PTPRD: variants seen among roughly 807,000 people sequenced by gnomAD.
PTPRD encodes protein tyrosine phosphatase receptor type D.
A neutral mutation model predicts 214.5 loss-of-function variants in PTPRD; 34 were observed. That is an observed-to-expected ratio of 0.16 (90% CI 0.12 to 0.21). The LOEUF (loss-of-function observed/expected upper bound fraction) is 0.21, where lower values mean the gene tolerates loss of function less well. PTPRD is among the 10% of genes least tolerant of loss of function. PTPRD has a pLI of 1.00. For missense variants in PTPRD, 2,545 were observed against 2,398.7 expected (o/e 1.06, Z -1.27); for synonymous variants, 1,128 against 845.7 (o/e 1.33, Z -5.79).
intron 5 of PTPRD, among the ~76,000 whole-genome samples, chr9:9,777,958 G>A (rs1024679965): frequency 1.3e-5 from 2 of 152,124 alleles, no homozygotes; most frequent in African/African-American, 4.8e-5. Context: ...TGCTAGAAAA[G>A]CATGGACAAA....
intron 8 of PTPRD, among the ~76,000 whole-genome samples, chr9:9,533,397 A>G (rs2075894044): frequency 6.6e-6 from 1 of 152,124 alleles, no homozygotes; most frequent in South Asian, 2.1e-4. Context: ...GCTTTTGCTC[A>G]GAAAGATCAA....
intron 11 of PTPRD, among the ~76,000 whole-genome samples, chr9:8,999,433 T>C (rs1048137282): frequency 6.6e-6 from 1 of 152,056 alleles, no homozygotes; most frequent in Non-Finnish European, 1.5e-5. Flanking sequence ...TGTTAGCATA[T>C]TTTAGCAATA....
At chr9:10,273,532 C>T (rs977349026) in intron 3 of PTPRD, among the ~76,000 whole-genome samples, 3 of 152,048 alleles carry the variant, frequency 2.0e-5, no homozygotes, top group African/African-American at 7.2e-5. Context: ...GCCAAAAATT[C>T]TGAGGCAGTA....
intron 7 of PTPRD, among the ~76,000 whole-genome samples, chr9:9,697,576 G>A (rs1015902095): frequency 6.7e-6 from 1 of 149,486 alleles, no homozygotes; most frequent in African/African-American, 2.4e-5. Flanking sequence ...TCTCTCATAT[G>A]TTTTTTGCTT....
chr9:8,485,201 T>G (rs13286908), intron 29 of PTPRD, 26 bp downstream of exon 29: 1 of 1,592,054 alleles, frequency 6.3e-7, no homozygotes, highest in East Asian at 2.2e-5. Flanking sequence ...TATCTGTGAT[T>G]TCTTACAAAT....
chr9:9,262,052 T>C (rs1006629609), intron 9 of PTPRD, among the ~76,000 whole-genome samples: 3 of 151,676 alleles, frequency 2.0e-5, no homozygotes, highest in African/African-American at 4.8e-5. Flanking sequence ...AATTCCTTTA[T>C]ATGAGGAAAA....
At chr9:9,841,430 A>T (rs900932726) in intron 5 of PTPRD, among the ~76,000 whole-genome samples, 4 of 151,982 alleles carry the variant, frequency 2.6e-5, no homozygotes, top group African/African-American at 9.7e-5. Flanking sequence ...TTACTCTTTG[A>T]TTTGGGATAA....
intron 12 of PTPRD, among the ~76,000 whole-genome samples, chr9:8,692,884 C>A (rs2097838890): frequency 6.6e-6 from 1 of 152,192 alleles, no homozygotes; most frequent in African/African-American, 2.4e-5. Flanking sequence ...AAACCTAAAT[C>A]AAAACATCAA....
chr9:9,078,978 C>A (rs1320516705), intron 10 of PTPRD, among the ~76,000 whole-genome samples: 1 of 151,956 alleles, frequency 6.6e-6, no homozygotes, highest in African/African-American at 2.4e-5. Context: ...AGCCATGTTT[C>A]AATACTCATG....
At chr9:9,936,239 A>C (rs964560887) in intron 5 of PTPRD, among the ~76,000 whole-genome samples, 16 of 148,778 alleles carry the variant, frequency 1.1e-4, no homozygotes, top group Admixed American at 2.0e-4. Flanking sequence ...GGATCTAATT[A>C]AACTAAAGAG....
intron 37 of PTPRD, among the ~76,000 whole-genome samples, chr9:8,377,729 A>T (rs1263416121): frequency 1.3e-5 from 2 of 152,094 alleles, no homozygotes; most frequent in Non-Finnish European, 1.5e-5. Context: ...AGAACAGAAA[A>T]TCACAATCTT....
At chr9:9,882,620 GCC>G (rs1565983841) in intron 5 of PTPRD, among the ~76,000 whole-genome samples, 2 of 152,122 alleles carry the variant, frequency 1.3e-5, no homozygotes, top group African/African-American at 4.8e-5. Context: ...TTATCTATAA[GCC>G]CACTGTAAGG....
intron 5 of PTPRD, among the ~76,000 whole-genome samples, chr9:9,864,510 T>C (rs914283890): frequency 6.6e-6 from 1 of 151,934 alleles, no homozygotes; most frequent in Non-Finnish European, 1.5e-5. Context: ...TTGTTGTTTG[T>C]TTTTACTTTT....
chr9:9,019,321 A>AAAGGAAGG (rs1554629441), intron 10 of PTPRD, among the ~76,000 whole-genome samples: 2 of 87,606 alleles, frequency 2.3e-5, no homozygotes, highest in Non-Finnish European at 4.8e-5. Context: ...AGAAAGAAAG[A>AAAGGAAGG]AAGAAAGAAA....
intron 5 of PTPRD, among the ~76,000 whole-genome samples, chr9:9,911,634 A>T (rs1435778316): frequency 6.6e-6 from 1 of 152,150 alleles, no homozygotes; most frequent in Non-Finnish European, 1.5e-5. Context: ...AGACTTCAAA[A>T]AAATGTTGCT....
At chr9:8,838,341 T>A (rs1490210281) in intron 11 of PTPRD, among the ~76,000 whole-genome samples, 2 of 149,902 alleles carry the variant, frequency 1.3e-5, no homozygotes, top group Non-Finnish European at 3.0e-5. Context: ...GAAAAAAAAA[T>A]TATTTAGAAC....
intron 3 of PTPRD, among the ~76,000 whole-genome samples, chr9:10,291,501 T>C (rs1366108809): frequency 2.0e-5 from 3 of 152,018 alleles, no homozygotes; most frequent in Non-Finnish European, 4.4e-5. Context: ...TAATAAACAG[T>C]GGAGCAAAGG....
chr9:8,594,047 T>C (rs537954380), intron 14 of PTPRD, among the ~76,000 whole-genome samples: 15 of 152,210 alleles, frequency 9.9e-5, no homozygotes, highest in Non-Finnish European at 2.2e-4. Context: ...GTTAACTTCC[T>C]AATAGTAGAA....
chr9:8,718,668 A>G (rs1272783062), intron 12 of PTPRD, among the ~76,000 whole-genome samples: 1 of 152,138 alleles, frequency 6.6e-6, no homozygotes, highest in Non-Finnish European at 1.5e-5. Flanking sequence ...AATTCTAAAC[A>G]ACCTCAGTCC....
Sources: allele counts gnomAD v4.1 joint callset (sites outside exome capture counted in the v4.1 genomes callset), GRCh38; gene constraint gnomAD v4.1.1; transcripts MANE v1.5; gene names NCBI Gene and HGNC (gene_info 2026-07-23, HGNC 2026-07-21).